The following DNAH7 variants were observed in gnomAD, a reference collection of about 807,000 sequenced individuals.
DNAH7 encodes dynein axonemal heavy chain 7.
In DNAH7, 397 loss-of-function variants were observed where a neutral mutation model predicts 444.6. That is an observed-to-expected ratio of 0.89 (90% CI 0.82 to 0.97). DNAH7 has a LOEUF of 0.97. Among genes scored for constraint, DNAH7 ranks in the 50% least tolerant of loss-of-function variants. The pLI, the probability that DNAH7 is intolerant of heterozygous loss-of-function variation, is 0.00. For missense variants in DNAH7, 4,902 were observed against 4,800.8 expected (o/e 1.02, Z -0.62); for synonymous variants, 1,636 against 1,624.4 (o/e 1.01, Z -0.17).
chr2:195,972,750 C>G lies in DNAH7; in HGVS notation c.1834-284G>C, dbSNP rs117975701. The stretch of plus-strand genomic sequence containing the variant: ...AAGATAGATATGAAGCAGATACTAT[C>G]TGAGTGAAGAGTTACTCTTTCAGAG... On this transcript the variant is annotated intron_variant, in intron 15 of 64. Transcript: ENST00000312428. Among the ~76,000 whole-genome samples the G allele has an allele frequency of 3.7e-4, 57 of 152,274 alleles. No individual in the cohort carries two copies. In the East Asian group the frequency reaches 9.5e-3, roughly 25 times the overall value.
intron 5 of DNAH7, among the ~76,000 whole-genome samples, chr2:196,038,011 TTTC>T (rs1696501567): frequency 6.6e-6 from 1 of 152,048 alleles, no homozygotes; most frequent in Non-Finnish European, 1.5e-5. Context: ...GCTGTAAAAT[TTTC>T]TTGTCAAGTG....
At chr2:196,041,847 A>C (rs1559362140) in intron 5 of DNAH7, among the ~76,000 whole-genome samples, 1 of 151,844 alleles carries the variant, frequency 6.6e-6, no homozygotes, top group African/African-American at 2.4e-5. Context: ...AGGAACTCAA[A>C]CAACTCAACA....
rs760454314 is a variant in DNAH7, at chr2:195,906,772, C to T, written c.4222G>A (p.Ala1408Thr). ...LTIQRGINAGADILMFEGTEL... is the reference protein window; with the variant it reads ...LTIQRGINAGTDILMFEGTEL... ...GTTCCTTCAAACATCAGTATATCAGCACCTGCATTAATACCTGTAGGTAAT... is the reference window on the plus strand; with the variant it reads ...GTTCCTTCAAACATCAGTATATCAGTACCTGCATTAATACCTGTAGGTAAT... Residue 1408 changes from alanine to threonine, a missense_variant, in exon 27 of 65, where the codon GCT (alanine) becomes ACT (threonine). Coordinates refer to ENST00000312428, the MANE Select transcript of DNAH7 (RefSeq NM_018897.3). 1 of 1,613,296 alleles carries T rather than the reference C, an allele frequency of 6.2e-7. No individual in the cohort carries two copies. Among genetic ancestry groups the T allele is most frequent in the Non-Finnish European group, 8.5e-7 (1 of 1,179,528 alleles).
chr2:195,741,000 T>G (rs1692996475), intron 63 of DNAH7, 131 bp from the exon 64 acceptor site: 1 of 384,760 alleles, frequency 2.6e-6, no homozygotes, highest in African/African-American at 2.1e-5. Flanking sequence ...TGTTCTCCAA[T>G]GAAAGCAATC....
At chr2:195,975,206 G>A (rs1421853656) in intron 15 of DNAH7, among the ~76,000 whole-genome samples, 1 of 152,160 alleles carries the variant, frequency 6.6e-6, no homozygotes, top group Non-Finnish European at 1.5e-5. Flanking sequence ...ACCGAAGAGG[G>A]TAGGAAAGAT....
chr2:195,880,478 G>A (rs1437862404), intron 36 of DNAH7, among the ~76,000 whole-genome samples: 5 of 150,334 alleles, frequency 3.3e-5, no homozygotes, highest in East Asian at 1.9e-4. Context: ...ACAGGCGCCC[G>A]CCACCACACC....
Position 195,863,601 on chromosome 2 carries a change from G to A in DNAH7, c.7506+548C>T, listed in dbSNP as rs571415150. On this transcript the variant is annotated intron_variant, in intron 41 of 64. Transcript: ENST00000312428. ...TGGGTTTAGCTAATGGGAAGAGATT[G>A]GGGGCAGGGTGGAAGAAGTGAGACA... Among the ~76,000 whole-genome samples the A allele has an allele frequency of 8.5e-5, 13 of 152,270 alleles. No homozygotes were observed. The East Asian group carries it at 2.5e-3, about 29-fold the overall frequency.
At chr2:195,838,036 C>T (rs982477119) in intron 47 of DNAH7, among the ~76,000 whole-genome samples, 2 of 152,118 alleles carry the variant, frequency 1.3e-5, no homozygotes, top group African/African-American at 4.8e-5. Flanking sequence ...GCATGGAACA[C>T]TTCTAAAGAA....
At chr2:196,043,752 T>C (rs1373860103) in intron 5 of DNAH7, among the ~76,000 whole-genome samples, 1 of 151,790 alleles carries the variant, frequency 6.6e-6, no homozygotes, top group East Asian at 1.9e-4. Flanking sequence ...AGGACATGAA[T>C]AGACAATTTT....
At chr2:195,946,036 T>G (rs764200736) in intron 19 of DNAH7, among the ~76,000 whole-genome samples, 9 of 152,110 alleles carry the variant, frequency 5.9e-5, no homozygotes, top group Non-Finnish European at 4.4e-5. Flanking sequence ...TAGCTGGAGA[T>G]CTGGTCAGTC....
In DNAH7 at chr2:195,812,159, TTG is replaced by T. The variant is rs1697001523; in HGVS notation, c.9762-2290_9762-2289del. 2.6e-5 allele frequency among the ~76,000 whole-genome samples: 4 copies of T among 152,200 alleles called. 1 individual carries two copies. In the South Asian group the frequency reaches 8.3e-4, roughly 32 times the overall value. On this transcript the variant is annotated intron_variant, in intron 51 of 64. Coordinates refer to ENST00000312428, the MANE Select transcript of DNAH7 (RefSeq NM_018897.3). ...TGTTTTCCTTGCTGAGTTCCTATGA[TTG>T]TGTTTCCAACCGATCAGCATGCCCT...
At chr2:196,028,233 A>G (rs1695812998) in intron 5 of DNAH7, among the ~76,000 whole-genome samples, 186 bp from the exon 6 acceptor site, 1 of 152,184 alleles carries the variant, frequency 6.6e-6, no homozygotes, top group East Asian at 1.9e-4. Context: ...TTATTCATAG[A>G]GAGACAATTA....
At chr2:195,849,633 ACT>A (rs1699228948) in intron 46 of DNAH7, among the ~76,000 whole-genome samples, 3 of 151,850 alleles carry the variant, frequency 2.0e-5, no homozygotes, top group Admixed American at 2.0e-4. Context: ...CGGAATCTTA[ACT>A]CTGTCACCCA....
intron 58 of DNAH7, among the ~76,000 whole-genome samples, chr2:195,783,427 C>T (rs764413215): frequency 2.0e-5 from 3 of 152,204 alleles, no homozygotes; most frequent in Non-Finnish European, 2.9e-5. Flanking sequence ...AAGGATCTTT[C>T]CCAGCCTCCT....
rs556022696 is a variant in DNAH7 at position 196,010,464 on chromosome 2, T to C, written c.989+2323A>G. Among the ~76,000 whole-genome samples, 5 of 152,252 alleles carry C rather than the reference T, an allele frequency of 3.3e-5. No homozygotes were observed. In the East Asian group the frequency reaches 9.7e-4, roughly 29 times the overall value. ...TCCCTGACAAAAAGAGGAACTTTCA[T>C]ACACTGTTGGGAACACAAATTTGTA... is the stretch of plus-strand genomic sequence containing the variant. On this transcript the variant is annotated intron_variant, in intron 10 of 64. Coordinates refer to ENST00000312428, the MANE Select transcript of DNAH7 (RefSeq NM_018897.3).
At chr2:196,013,081 ATAAT>A (rs551411142) in intron 9 of DNAH7, among the ~76,000 whole-genome samples, 175 bp from the exon 10 acceptor site, 30 of 152,294 alleles carry the variant, frequency 2.0e-4, no homozygotes, top group African/African-American at 7.0e-4. Context: ...AATAATTCAT[ATAAT>A]TAAATTCAAT....
intron 2 of DNAH7, among the ~76,000 whole-genome samples, chr2:196,051,543 G>A (rs553410027): frequency 3.9e-5 from 6 of 152,202 alleles, no homozygotes; most frequent in East Asian, 1.9e-4. Flanking sequence ...TGAGGTGGGC[G>A]GATCACAAGG....
At chr2:195,929,801 C>T (rs918144789) in intron 21 of DNAH7, among the ~76,000 whole-genome samples, 2 of 152,190 alleles carry the variant, frequency 1.3e-5, no homozygotes, top group African/African-American at 4.8e-5. Context: ...CCATTCTAGA[C>T]ATTGGTCTTG....
rs200856055 is a variant in DNAH7 at position 195,749,016 on chromosome 2, A to G, written c.11764+5321T>C. 0.019 allele frequency among the ~76,000 whole-genome samples: 2,913 copies of G among 152,256 alleles called. 231 individuals are homozygous for G. In the East Asian group the frequency reaches 0.26, roughly 14 times the overall value. On this transcript the variant is annotated intron_variant, in intron 63 of 64. Coordinates refer to ENST00000312428, the MANE Select transcript of DNAH7 (RefSeq NM_018897.3). ...TAATTAAACTAAAGAGCTTCTGCAC[A>G]GCAAAAGAAACTACCATCAGAGTGA...
Sources: gnomAD v4.1 joint callset for allele counts (sites outside exome capture counted in the v4.1 genomes callset) on GRCh38, gnomAD v4.1.1 for gene constraint, MANE v1.5 for transcripts, NCBI Gene and HGNC (gene_info 2026-07-23, HGNC 2026-07-21) for gene names.